Variants in KIF21A observed in about 807,000 individuals in gnomAD.
KIF21A encodes the protein kinesin family member 21A.
In KIF21A, 114 loss-of-function variants were observed where a neutral mutation model predicts 202.9. That is an observed-to-expected ratio of 0.56 (90% CI 0.48 to 0.66). KIF21A has a LOEUF of 0.66. Among genes scored for constraint, KIF21A ranks in the 30% least tolerant of loss-of-function variants. The pLI is 0.00. For synonymous variants in KIF21A, 667 were observed against 670.8 expected, an observed-to-expected ratio of 0.99 and a Z score of 0.09; for missense variants, 1,677 against 1,994.9, an observed-to-expected ratio of 0.84 and a Z score of 3.04.
rs1458625813 is a variant in KIF21A at position 39,315,306 on chromosome 12, A to G, written c.3948-66T>C. 4 of 1,416,682 alleles carry G rather than the reference A, an allele frequency of 2.8e-6. No homozygotes were observed. The African/African-American group carries it at 4.2e-5, about 15-fold the overall frequency. 87.8% of individuals were successfully genotyped at this position (1,416,682 alleles called of 1,614,324 possible). ...CAAGTGCAAAGAGGGAGGACATAAAATGATAATGGTGAAAGGGAATGAGAC... is the reference window on the plus strand; with the variant it reads ...CAAGTGCAAAGAGGGAGGACATAAAGTGATAATGGTGAAAGGGAATGAGAC... On this transcript the variant is annotated intron_variant, in intron 30 of 37. Transcript: ENST00000361418.
intron 1 of KIF21A, among the ~76,000 whole-genome samples, chr12:39,434,228 C>T (rs1000360935): frequency 6.6e-6 from 1 of 152,122 alleles, no homozygotes; most frequent in East Asian, 1.9e-4. Context: ...AGAGCATGCA[C>T]AAGAGAACAA....
intron 1 of KIF21A, among the ~76,000 whole-genome samples, chr12:39,388,224 C>T (rs1448361400): frequency 6.6e-6 from 1 of 152,112 alleles, no homozygotes; most frequent in Non-Finnish European, 1.5e-5. Flanking sequence ...CTATTTGTTT[C>T]TGTAAGAACT....
At chr12:39,373,437 G>A (rs1950085372) in intron 1 of KIF21A, among the ~76,000 whole-genome samples, 1 of 152,088 alleles carries the variant, frequency 6.6e-6, no homozygotes, top group Admixed American at 6.6e-5. Flanking sequence ...AGTCCTGTCT[G>A]TGCTCAGGCT....
intron 37 of KIF21A, among the ~76,000 whole-genome samples, chr12:39,298,284 G>C (rs1052985033): frequency 2.0e-5 from 3 of 152,182 alleles, no homozygotes; most frequent in African/African-American, 7.2e-5. Flanking sequence ...GTAGAGAAGA[G>C]GAGAGATCTA....
intron 1 of KIF21A, among the ~76,000 whole-genome samples, chr12:39,437,086 A>C (rs556019527): frequency 3.9e-4 from 60 of 152,304 alleles, no homozygotes; most frequent in African/African-American, 1.4e-3. Flanking sequence ...AAAACACTTA[A>C]AACAATGCAT....
At chr12:39,409,958 A>G (rs1344536684) in intron 1 of KIF21A, among the ~76,000 whole-genome samples, 2 of 151,960 alleles carry the variant, frequency 1.3e-5, no homozygotes, top group African/African-American at 2.4e-5. Context: ...CAGCTTCCCA[A>G]GCAGCTGGGA....
chr12:39,346,758 G>A (rs1947927124), intron 11 of KIF21A, among the ~76,000 whole-genome samples: 1 of 151,924 alleles, frequency 6.6e-6, no homozygotes, highest in Non-Finnish European at 1.5e-5. Context: ...TTATGCAGCA[G>A]CAAAATGTAT....
At chr12:39,366,545 A>T (rs1785340140) in intron 5 of KIF21A, 28 bp from the exon 6 acceptor site, 1 of 1,487,294 alleles carries the variant, frequency 6.7e-7, no homozygotes, top group Admixed American at 1.8e-5. Flanking sequence ...AATTGAAAAT[A>T]CTTTATTAAT....
chr12:39,393,519 C>T (rs1951520814), intron 1 of KIF21A, among the ~76,000 whole-genome samples: 1 of 152,148 alleles, frequency 6.6e-6, no homozygotes, highest in African/African-American at 2.4e-5. Flanking sequence ...TTATGTGTCA[C>T]CTTGTATTTG....
At chr12:39,424,493 C>A (rs1377460754) in intron 1 of KIF21A, among the ~76,000 whole-genome samples, 1 of 152,178 alleles carries the variant, frequency 6.6e-6, no homozygotes, top group African/African-American at 2.4e-5. Flanking sequence ...TCCCTGTGAT[C>A]CAAACTCATA....
rs199748335 is a variant in KIF21A at position 39,416,763 on chromosome 12, GTATA to G, written c.44+26160_44+26163del. 3.8e-4 allele frequency among the ~76,000 whole-genome samples: 34 copies of G among 88,520 alleles called. 1 individual carries two copies. The highest frequency in any genetic ancestry group is 5.4e-4 in the African/African-American group (9 of 16,666). The allele number at this position is 88,520 out of a possible 152,430, so 58.1% of individuals were successfully genotyped here. On this transcript the variant is annotated intron_variant, in intron 1 of 37. Coordinates refer to ENST00000361418, the MANE Select transcript of KIF21A (RefSeq NM_001173464.2). ...TATATATATATGTACATATATATGT[GTATA>G]TATATATGTACATATATATGTGTAT...
At chr12:39,368,200 A>G (rs1374724155) in intron 3 of KIF21A, among the ~76,000 whole-genome samples, 168 bp from the exon 4 acceptor site, 4 of 152,172 alleles carry the variant, frequency 2.6e-5, no homozygotes, top group Non-Finnish European at 5.9e-5. Context: ...TATAACAATT[A>G]TAAGTAAATG....
chr12:39,356,827 T>A lies in KIF21A; in HGVS notation c.1469+5A>T, dbSNP rs1415974560. 8.7e-7 allele frequency: 1 copy of A among 1,150,100 alleles called. No individual in the cohort carries two copies. The highest frequency in any genetic ancestry group is 1.7e-5 in the Admixed American group (1 of 58,856). 71.2% of individuals were successfully genotyped at this position (1,150,100 alleles called of 1,614,324 possible). ...GCATTATATGTTACAGAACATGAAC[T>A]ATACCTGAGATCTTCGATTTCTTTT... On this transcript the variant is annotated splice_donor_5th_base_variant and intron_variant, in intron 10 of 37. Coordinates refer to ENST00000361418, the MANE Select transcript of KIF21A (RefSeq NM_001173464.2).
intron 20 of KIF21A, 53 bp from the exon 21 acceptor site, chr12:39,332,461 C>T: frequency 6.3e-7 from 1 of 1,577,428 alleles, no homozygotes; most frequent in Non-Finnish European, 8.7e-7. Flanking sequence ...TATTTATATA[C>T]AGTACCATCA....
At chr12:39,403,516 C>G (rs535382316) in intron 1 of KIF21A, among the ~76,000 whole-genome samples, 1 of 152,162 alleles carries the variant, frequency 6.6e-6, no homozygotes, top group Non-Finnish European at 1.5e-5. Context: ...GTCTAGGAGT[C>G]AAGACTTATG....
intron 1 of KIF21A, among the ~76,000 whole-genome samples, chr12:39,387,204 A>ACACACACAC (rs1951009103): frequency 3.5e-5 from 5 of 144,294 alleles, no homozygotes; most frequent in African/African-American, 7.6e-5. Flanking sequence ...ACACACACAC[A>ACACACACAC]AGCTTGGACT....
intron 31 of KIF21A, among the ~76,000 whole-genome samples, chr12:39,313,907 AT>A (rs1944265565): frequency 6.6e-6 from 1 of 151,824 alleles, no homozygotes; most frequent in Admixed American, 6.6e-5. Flanking sequence ...AGAATGAAGG[AT>A]CTGTAGACTA....
intron 1 of KIF21A, among the ~76,000 whole-genome samples, chr12:39,434,555 G>C (rs1020596888): frequency 1.3e-5 from 2 of 152,130 alleles, no homozygotes; most frequent in South Asian, 2.1e-4. Flanking sequence ...GAATTACTGA[G>C]GGAAAACCAA....
Position 39,293,336 on chromosome 12 carries a change from T to C in KIF21A, c.*1088A>G, listed in dbSNP as rs929812389. ...GACAATATTTTCAAATGTTATACCA[T>C]CTACATAAAAATTAAACTTGCAGAA... is the stretch of plus-strand genomic sequence containing the variant. On this transcript the variant is annotated 3_prime_UTR_variant, in exon 38 of 38. Transcript: ENST00000361418. 1 of 152,576 alleles carries C rather than the reference T, an allele frequency of 6.6e-6. No individual in the cohort carries two copies. The highest frequency in any genetic ancestry group is 1.5e-5 in the Non-Finnish European group (1 of 68,030). 9.5% of individuals were successfully genotyped at this position (152,576 alleles called of 1,614,324 possible).
Sources: gnomAD v4.1 joint callset for allele counts (sites outside exome capture counted in the v4.1 genomes callset) on GRCh38, gnomAD v4.1.1 for gene constraint, MANE v1.5 for transcripts, NCBI Gene and HGNC (gene_info 2026-07-23, HGNC 2026-07-21) for gene names.